Variants in CDKAL1 observed in about 807,000 individuals in gnomAD.
CDKAL1 encodes the protein CDKAL1 threonylcarbamoyladenosine tRNA methylthiotransferase, also known as threonylcarbamoyladenosine tRNA methylthiotransferase.
In CDKAL1, 32 loss-of-function variants were observed where a neutral mutation model predicts 68.2. The observed-to-expected ratio is 0.47, with a 90% CI of 0.35 to 0.63. The LOEUF is 0.63. Ranked by LOEUF, CDKAL1 falls within the 30% of genes least tolerant of loss-of-function variation. The pLI, the probability that CDKAL1 is intolerant of heterozygous loss-of-function variation, is 0.00. For missense variants in CDKAL1, 606 were observed against 696.7 expected, an observed-to-expected ratio of 0.87 and a Z score of 1.47; for synonymous variants, 234 against 244.3, an observed-to-expected ratio of 0.96 and a Z score of 0.39.
At chr6:20,732,283 TTTG>T (rs1554112043) in intron 5 of CDKAL1, among the ~76,000 whole-genome samples, 1 of 117,488 alleles carries the variant, frequency 8.5e-6, no homozygotes, top group Non-Finnish European at 1.8e-5. Flanking sequence ...TTTTTTTTTT[TTTG>T]TTGTTGTTGA....
chr6:21,190,007 A>G (rs1441056646), intron 13 of CDKAL1, among the ~76,000 whole-genome samples: 1 of 152,172 alleles, frequency 6.6e-6, no homozygotes, highest in Admixed American at 6.5e-5. Context: ...CACTGGCAAC[A>G]TTACACTGCA....
At chr6:20,835,301 G>A (rs539161033) in intron 8 of CDKAL1, among the ~76,000 whole-genome samples, 9 of 152,170 alleles carry the variant, frequency 5.9e-5, no homozygotes, top group East Asian at 1.9e-4. Context: ...TCAATAAAGC[G>A]AAGATTATTA....
rs191582813 is a variant in CDKAL1, at chr6:20,621,746, G to A, written c.287-27547G>A. Among the ~76,000 whole-genome samples, 77 of 149,148 alleles carry A rather than the reference G, an allele frequency of 5.2e-4. 3 individuals carry two copies. The highest frequency in any genetic ancestry group is 3.9e-3 in the East Asian group (20 of 5,092). ...CCTGTCAGTCACTTCCGTGTCAGTC[G>A]CTCCTGTGTCCCTTTGCATACCTCA... On this transcript the variant is annotated intron_variant, in intron 4 of 15. Transcript: ENST00000274695.
chr6:21,086,214 G>T (rs78685879), intron 12 of CDKAL1, among the ~76,000 whole-genome samples: 4 of 152,066 alleles, frequency 2.6e-5, no homozygotes, highest in Non-Finnish European at 4.4e-5. Context: ...AATTAATGGT[G>T]GACTTAGGAT....
intron 5 of CDKAL1, among the ~76,000 whole-genome samples, chr6:20,660,192 C>T (rs185894983): frequency 1.3e-5 from 2 of 152,228 alleles, no homozygotes; most frequent in East Asian, 3.9e-4. Context: ...CCCATATTAA[C>T]AATTAACATC....
At chr6:20,981,953 G>A (rs1191900645) in intron 10 of CDKAL1, among the ~76,000 whole-genome samples, 2 of 152,088 alleles carry the variant, frequency 1.3e-5, no homozygotes, top group Non-Finnish European at 2.9e-5. Flanking sequence ...TTCCCTAGCT[G>A]TCTTCTATAT....
At chr6:21,198,965 T>A (rs1344757400) in intron 14 of CDKAL1, among the ~76,000 whole-genome samples, 2 of 152,234 alleles carry the variant, frequency 1.3e-5, no homozygotes, top group Non-Finnish European at 2.9e-5. Context: ...TATGGTAGCC[T>A]GTGTCTCCCA....
intron 8 of CDKAL1, among the ~76,000 whole-genome samples, chr6:20,816,713 G>A (rs1383761427): frequency 6.6e-6 from 1 of 151,912 alleles, no homozygotes; most frequent in Non-Finnish European, 1.5e-5. Flanking sequence ...AAAAATAGTG[G>A]CATGAGTGTT....
At chr6:21,009,539 G>A (rs546004756) in intron 11 of CDKAL1, among the ~76,000 whole-genome samples, 4 of 152,154 alleles carry the variant, frequency 2.6e-5, no homozygotes, top group Admixed American at 6.5e-5. Context: ...GTATCAAAGA[G>A]ATACCTGTTC....
At chr6:20,900,611 CT>C (rs1323946176) in intron 9 of CDKAL1, among the ~76,000 whole-genome samples, 2 of 152,308 alleles carry the variant, frequency 1.3e-5, no homozygotes, top group Admixed American at 6.5e-5. Flanking sequence ...GAGTTTCCCC[CT>C]GAAACATCTG....
At chr6:20,602,444 A>G (rs1343388874) in intron 4 of CDKAL1, among the ~76,000 whole-genome samples, 2 of 152,138 alleles carry the variant, frequency 1.3e-5, no homozygotes, top group African/African-American at 4.8e-5. Flanking sequence ...CTTCATGTCA[A>G]GTTTATTCTG....
At chr6:20,603,626 A>G (rs1766202296) in intron 4 of CDKAL1, among the ~76,000 whole-genome samples, 1 of 152,170 alleles carries the variant, frequency 6.6e-6, no homozygotes, top group African/African-American at 2.4e-5. Flanking sequence ...AGCCCCACAA[A>G]AGACTCACCA....
At chr6:20,957,747 G>C (rs151184477) in intron 10 of CDKAL1, among the ~76,000 whole-genome samples, 220 of 152,178 alleles carry the variant, frequency 1.4e-3, no homozygotes, top group Non-Finnish European at 2.5e-3. Context: ...GAGGCAGGTG[G>C]ATCACTTGAG....
At chr6:21,051,439 C>G (rs1438739982) in intron 11 of CDKAL1, among the ~76,000 whole-genome samples, 3 of 152,184 alleles carry the variant, frequency 2.0e-5, no homozygotes, top group African/African-American at 7.2e-5. Context: ...TATGGTACAT[C>G]AGTGCTGTGA....
chr6:21,173,511 T>A (rs1468269205), intron 13 of CDKAL1, among the ~76,000 whole-genome samples: 3 of 152,196 alleles, frequency 2.0e-5, no homozygotes, highest in Non-Finnish European at 4.4e-5. Flanking sequence ...GAAATGAACA[T>A]GCATTGACAC....
intron 9 of CDKAL1, among the ~76,000 whole-genome samples, chr6:20,860,154 T>C (rs1457935060): frequency 6.6e-6 from 1 of 152,158 alleles, no homozygotes. Flanking sequence ...CTCAACTCAC[T>C]GCAACCTTCG....
At chr6:20,545,335 T>A (rs1262143592) in intron 2 of CDKAL1, among the ~76,000 whole-genome samples, 1 of 151,760 alleles carries the variant, frequency 6.6e-6, no homozygotes, top group Non-Finnish European at 1.5e-5. Context: ...CTTTTAATTA[T>A]AAAAATTTTG....
chr6:21,171,771 G>A (rs959480787), intron 13 of CDKAL1, among the ~76,000 whole-genome samples: 1 of 152,152 alleles, frequency 6.6e-6, no homozygotes, highest in Non-Finnish European at 1.5e-5. Flanking sequence ...GGTTAAAGGG[G>A]TTTTGGTAGA....
At chr6:20,738,911 A>G (rs1773319445) in intron 5 of CDKAL1, among the ~76,000 whole-genome samples, 1 of 152,210 alleles carries the variant, frequency 6.6e-6, no homozygotes, top group Non-Finnish European at 1.5e-5. Flanking sequence ...GTATGTACAA[A>G]GCACCAGCTT....
Sources: allele counts gnomAD v4.1 joint callset (sites outside exome capture counted in the v4.1 genomes callset), GRCh38; gene constraint gnomAD v4.1.1; transcripts MANE v1.5; gene names NCBI Gene and HGNC (gene_info 2026-07-23, HGNC 2026-07-21).